The following KCNT1 variants were observed in gnomAD, a reference collection of about 807,000 sequenced individuals.
KCNT1 encodes potassium channel subfamily T member 1.
In KCNT1, 78 loss-of-function variants were observed where a neutral mutation model predicts 147.8. That is an observed-to-expected ratio of 0.53 (90% CI 0.44 to 0.64). KCNT1 has a LOEUF of 0.64. Ranked by LOEUF, KCNT1 falls within the 30% of genes least tolerant of loss-of-function variation. KCNT1 has a pLI of 0.00. For missense variants in KCNT1, 1,419 were observed against 1,750.3 expected, an observed-to-expected ratio of 0.81 and a Z score of 3.38; for synonymous variants, 867 against 748.8, an observed-to-expected ratio of 1.16 and a Z score of -2.58.
At chr9:135,779,194 C>T (rs1402765703) in intron 23 of KCNT1, among the ~76,000 whole-genome samples, 165 bp from the exon 24 acceptor site, 1 of 140,692 alleles carries the variant, frequency 7.1e-6, no homozygotes, top group Non-Finnish European at 1.5e-5. Context: ...CCGTGGGACC[C>T]TGCCCTGAGA....
intron 2 of KCNT1, among the ~76,000 whole-genome samples, chr9:135,741,225 C>T (rs771108110): frequency 3.3e-5 from 5 of 152,188 alleles, no homozygotes; most frequent in Non-Finnish European, 7.4e-5. Flanking sequence ...ATGCGCAGCT[C>T]AGTAGACACT....
chr9:135,774,217 G>T (rs1221421920), intron 19 of KCNT1, among the ~76,000 whole-genome samples: 3 of 149,914 alleles, frequency 2.0e-5, no homozygotes, highest in Admixed American at 6.6e-5. Context: ...GTGGTATGTG[G>T]TGTCTGTGTG....
intron 21 of KCNT1, 72 bp from the exon 22 acceptor site, chr9:135,778,352 A>G (rs904721875): frequency 7.3e-7 from 1 of 1,370,220 alleles, no homozygotes; most frequent in Non-Finnish European, 1.0e-6. Flanking sequence ...CATGGAGGGT[A>G]GGGCCCCACT....
chr9:135,742,909 AT>A, intron 2 of KCNT1: 1 of 693,336 alleles, frequency 1.4e-6, no homozygotes, highest in Non-Finnish European at 2.7e-6. Context: ...TCAACCCAGC[AT>A]CCCCTGCAGC....
chr9:135,708,216 A>T (rs511518), intron 1 of KCNT1, among the ~76,000 whole-genome samples: 1 of 152,206 alleles, frequency 6.6e-6, no homozygotes, highest in Non-Finnish European at 1.5e-5. Context: ...ACACAGATCC[A>T]TGTGCATGCA....
In KCNT1 at chr9:135,778,508, C is replaced by T. The variant is rs781660522; in HGVS notation, c.2594+13C>T. ...GCTCTGTGGACAAGTAAGGCGTGGC[C>T]GGCCGAGGCTCGTGGGGGCTCCACA... On this transcript the variant is annotated intron_variant, in intron 22 of 30. Transcript: ENST00000371757. The T allele has an allele frequency of 5.0e-6, 8 of 1,586,376 alleles. No individual in the cohort carries two copies. Among genetic ancestry groups the T allele is most frequent in the Middle Eastern group, 1.7e-4 (1 of 6,022 alleles).
chr9:135,705,478 G>A (rs973527462), intron 1 of KCNT1, among the ~76,000 whole-genome samples: 3 of 152,250 alleles, frequency 2.0e-5, no homozygotes, highest in Admixed American at 2.0e-4. Flanking sequence ...ACGTGTGTGA[G>A]AGCTGGAGGA....
intron 24 of KCNT1, among the ~76,000 whole-genome samples, chr9:135,781,225 A>G (rs867584851): frequency 7.2e-5 from 11 of 152,350 alleles, no homozygotes; most frequent in Non-Finnish European, 1.0e-4. Flanking sequence ...AAATCAGGAC[A>G]TCGGCAAAGC....
chr9:135,775,254 A>G, intron 19 of KCNT1, 56 bp from the exon 20 acceptor site: 1 of 1,406,694 alleles, frequency 7.1e-7, no homozygotes, highest in Non-Finnish European at 9.8e-7. Flanking sequence ...GGGGCCCCAG[A>G]GCAGACCCAG....
intron 29 of KCNT1, among the ~76,000 whole-genome samples, chr9:135,787,265 G>A (rs1289999707): frequency 6.6e-6 from 1 of 152,228 alleles, no homozygotes; most frequent in African/African-American, 2.4e-5. Context: ...GGTGGGAAGT[G>A]TGCTTGGGCT....
chr9:135,787,956 T>C (rs1385505387), intron 29 of KCNT1: 1 of 685,762 alleles, frequency 1.5e-6, no homozygotes, highest in Non-Finnish European at 2.7e-6. Context: ...GCAACTGCCT[T>C]TCTGGTGACC....
In KCNT1 at chr9:135,758,609, C is replaced by T. The variant is rs571229549; in HGVS notation, c.854+101C>T. 1.4e-4 allele frequency: 141 copies of T among 979,390 alleles called. 1 individual carries two copies. The highest frequency in any genetic ancestry group is 2.8e-4 in the Admixed American group (15 of 53,456). The allele number at this position is 979,390 out of a possible 1,614,324, so 60.7% of individuals were successfully genotyped here. A position where few individuals can be genotyped will look rare whatever the true frequency, so the allele number is the denominator to read the frequency against. On this transcript the variant is annotated intron_variant, in intron 10 of 30. Coordinates refer to ENST00000371757, the MANE Select transcript of KCNT1 (RefSeq NM_020822.3). ...ATACAGATGCCTATGTCCAAGCTATCGGGGCAGAAAAGGCCACAGTGCCTG... is the reference window on the plus strand; with the variant it reads ...ATACAGATGCCTATGTCCAAGCTATTGGGGCAGAAAAGGCCACAGTGCCTG...
At position 135,784,138 on chromosome 9, in the gene KCNT1, G is replaced by T; in HGVS notation, c.2943+13G>T. ...ACTGCTCTACCAGGTCAGCGGGGAA[G>T]CGGCAGCAGGAGGGTGGCGCCTGGG... On this transcript the variant is annotated intron_variant, in intron 25 of 30. Transcript: ENST00000371757. 6.3e-7 allele frequency: 1 copy of T among 1,598,892 alleles called. No individual in the cohort carries two copies.
At chr9:135,704,642 T>G (rs1430805190) in intron 1 of KCNT1, among the ~76,000 whole-genome samples, 4 of 152,206 alleles carry the variant, frequency 2.6e-5, no homozygotes, top group African/African-American at 9.6e-5. Context: ...TCAGAGCCCC[T>G]GCCAGGCCTT....
chr9:135,788,388 G>A (rs889255110), intron 29 of KCNT1, among the ~76,000 whole-genome samples: 8 of 152,262 alleles, frequency 5.3e-5, no homozygotes, highest in African/African-American at 1.9e-4. Context: ...TGGGGCTTGT[G>A]CTAGTCAAGG....
chr9:135,719,944 C>T (rs1311693537), intron 2 of KCNT1, among the ~76,000 whole-genome samples: 1 of 152,212 alleles, frequency 6.6e-6, no homozygotes, highest in African/African-American at 2.4e-5. Flanking sequence ...CGGAACTTGA[C>T]TTGGTTCTCT....
intron 2 of KCNT1, among the ~76,000 whole-genome samples, chr9:135,735,665 G>A (rs2131371270): frequency 6.6e-6 from 1 of 152,238 alleles, no homozygotes; most frequent in African/African-American, 2.4e-5. Context: ...CCTCCCACAG[G>A]CCTCTGTACT....
chr9:135,714,751 G>C lies in KCNT1; in HGVS notation c.254+31G>C, dbSNP rs1456672812. On this transcript the variant is annotated intron_variant, in intron 2 of 30. Transcript: ENST00000371757. This position sits in a 1 kb window ranked among gnomAD's most constrained non-coding sequence, Gnocchi z 6.2. ...GACCGGGCGCGGGGTGGGGGCTGGG[G>C]TCGCCGTCCCGGCGCCGCCGCACGC... The C allele has an allele frequency of 8.1e-7, 1 of 1,241,252 alleles. No individual in the cohort carries two copies. The highest frequency in any genetic ancestry group is 1.0e-6 in the Non-Finnish European group (1 of 978,274). 76.9% of individuals were successfully genotyped at this position (1,241,252 alleles called of 1,614,324 possible). A position where few individuals can be genotyped will look rare whatever the true frequency, so the allele number is the denominator to read the frequency against.
intron 23 of KCNT1, 26 bp downstream of exon 23, chr9:135,778,848 TCTAAA>T: frequency 1.2e-6 from 2 of 1,607,894 alleles, no homozygotes; most frequent in Non-Finnish European, 1.7e-6. Flanking sequence ...GGGGCTCGGC[TCTAAA>T]CCACCCCACA....
Sources: allele counts gnomAD v4.1 joint callset (sites outside exome capture counted in the v4.1 genomes callset), GRCh38; gene constraint gnomAD v4.1.1; non-coding constraint Gnocchi (gnomAD v3.1); transcripts MANE v1.5; gene names NCBI Gene and HGNC (gene_info 2026-07-23, HGNC 2026-07-21).